Variants in SLC24A2 observed in about 807,000 individuals in gnomAD.
SLC24A2 encodes the protein solute carrier family 24 member 2.
A neutral mutation model predicts 62.0 loss-of-function variants in SLC24A2; 36 were observed. That is an observed-to-expected ratio of 0.58 (90% CI 0.44 to 0.77). The LOEUF is 0.77. Ranked by LOEUF, SLC24A2 falls within the 30% of genes least tolerant of loss-of-function variation. The probability of loss-of-function intolerance (pLI) is 0.00; values close to 1 mark genes in which losing one functional copy is unlikely to be tolerated. For missense variants in SLC24A2, 846 were observed against 817.9 expected (o/e 1.03, Z -0.42); for synonymous variants, 358 against 294.0 (o/e 1.22, Z -2.23).
At chr9:19,867,693 A>T in the SLC24A2 span, among the ~76,000 whole-genome samples, 1 of 152,150 alleles carries the variant, frequency 6.6e-6, no homozygotes, top group Non-Finnish European at 1.5e-5. Flanking sequence ...GCAGATAACG[A>T]GGTCAAAAGA....
At chr9:20,021,132 A>G in the SLC24A2 span, among the ~76,000 whole-genome samples, 2 of 152,218 alleles carry the variant, frequency 1.3e-5, no homozygotes, top group Non-Finnish European at 2.9e-5. Flanking sequence ...AAAAATTAAC[A>G]TCTTCACATT....
the SLC24A2 span, among the ~76,000 whole-genome samples, chr9:19,952,464 T>C: frequency 6.6e-6 from 1 of 152,030 alleles, no homozygotes; most frequent in South Asian, 2.1e-4. Flanking sequence ...TGGTTTTATC[T>C]TGAAAGTGCC....
chr9:19,962,549 T>C, the SLC24A2 span, among the ~76,000 whole-genome samples: 1 of 152,322 alleles, frequency 6.6e-6, no homozygotes, highest in East Asian at 1.9e-4. Flanking sequence ...TGAGCAGTGG[T>C]TTGTAGTTCT....
the SLC24A2 span, among the ~76,000 whole-genome samples, chr9:20,052,140 A>C: frequency 6.6e-6 from 1 of 152,192 alleles, no homozygotes; most frequent in Non-Finnish European, 1.5e-5. Flanking sequence ...AAATTTATAT[A>C]TTTAATTGCT....
At chr9:20,157,778 A>G in the SLC24A2 span, among the ~76,000 whole-genome samples, 5 of 151,590 alleles carry the variant, frequency 3.3e-5, no homozygotes, top group African/African-American at 1.2e-4. Flanking sequence ...GAAATTAGAG[A>G]AATAAAATAT....
the SLC24A2 span, among the ~76,000 whole-genome samples, chr9:20,174,701 T>A: frequency 6.6e-6 from 1 of 151,834 alleles, no homozygotes; most frequent in Non-Finnish European, 1.5e-5. Flanking sequence ...TAAAAAATAA[T>A]AGATGTTGGT....
At chr9:19,914,211 G>C in the SLC24A2 span, among the ~76,000 whole-genome samples, 1 of 151,948 alleles carries the variant, frequency 6.6e-6, no homozygotes, top group Admixed American at 6.6e-5. Flanking sequence ...TGCCACTTGA[G>C]TGTTTCAACC....
chr9:19,654,597 T>C (rs1211648498), intron 2 of SLC24A2, among the ~76,000 whole-genome samples: 1 of 152,216 alleles, frequency 6.6e-6, no homozygotes, highest in Non-Finnish European at 1.5e-5. Context: ...TGGTATAACA[T>C]GTTGTTCTAA....
At chr9:19,797,185 T>G in the SLC24A2 span, among the ~76,000 whole-genome samples, 1 of 152,240 alleles carries the variant, frequency 6.6e-6, no homozygotes, top group Admixed American at 6.5e-5. Flanking sequence ...TGAGATAATG[T>G]AAGTTTCATG....
At chr9:20,202,610 T>C in the SLC24A2 span, among the ~76,000 whole-genome samples, 1 of 151,890 alleles carries the variant, frequency 6.6e-6, no homozygotes, top group African/African-American at 2.4e-5. Context: ...ACTGTAAAAG[T>C]TGGCTTTGAT....
At chr9:20,111,192 T>C in the SLC24A2 span, among the ~76,000 whole-genome samples, 1 of 152,082 alleles carries the variant, frequency 6.6e-6, no homozygotes, top group Non-Finnish European at 1.5e-5. Context: ...ATTTGGCAAA[T>C]GGGAGGCACC....
chr9:20,272,092 T>C, the SLC24A2 span, among the ~76,000 whole-genome samples: 3 of 152,236 alleles, frequency 2.0e-5, no homozygotes, highest in Non-Finnish European at 4.4e-5. Context: ...TCCTAAATAA[T>C]TGTCCTGCCT....
At chr9:20,036,345 T>C in the SLC24A2 span, among the ~76,000 whole-genome samples, 2 of 152,200 alleles carry the variant, frequency 1.3e-5, no homozygotes, top group African/African-American at 4.8e-5. Context: ...ACATTTGAGA[T>C]TTATTCTCTT....
intron 9 of SLC24A2, among the ~76,000 whole-genome samples, chr9:19,527,395 A>T (rs778483252): frequency 6.6e-6 from 1 of 152,200 alleles, no homozygotes; most frequent in Non-Finnish European, 1.5e-5. Context: ...GAACCTATGT[A>T]TAGGGTTACT....
chr9:20,244,837 A>G, the SLC24A2 span, among the ~76,000 whole-genome samples: 2 of 152,144 alleles, frequency 1.3e-5, no homozygotes, highest in African/African-American at 4.8e-5. Context: ...CTTTCATCCA[A>G]TGCAGTATGT....
the SLC24A2 span, among the ~76,000 whole-genome samples, chr9:20,135,473 T>C: frequency 6.6e-6 from 1 of 152,094 alleles, no homozygotes; most frequent in East Asian, 1.9e-4. Context: ...ACTTAGCTTA[T>C]CGTGGGGTAA....
chr9:20,121,830 G>A, the SLC24A2 span, among the ~76,000 whole-genome samples: 1 of 152,102 alleles, frequency 6.6e-6, no homozygotes, highest in Non-Finnish European at 1.5e-5. Context: ...TGGAGATGGT[G>A]CTGTTATTTT....
upstream of SLC24A2, among the ~76,000 whole-genome samples, chr9:19,792,560 A>T (rs1001735471): frequency 2.3e-5 from 3 of 130,352 alleles, no homozygotes; most frequent in Admixed American, 7.6e-5. Context: ...AAAAAAAAAA[A>T]TGCTGGGTGT....
At chr9:19,698,060 T>G (rs1820244035) in intron 2 of SLC24A2, among the ~76,000 whole-genome samples, 1 of 152,174 alleles carries the variant, frequency 6.6e-6, no homozygotes, top group Admixed American at 6.5e-5. Context: ...GAAATTTATC[T>G]TATTTAAATG....
Sources: allele counts gnomAD v4.1 joint callset (sites outside exome capture counted in the v4.1 genomes callset), GRCh38; gene constraint gnomAD v4.1.1; transcripts MANE v1.5; gene names NCBI Gene and HGNC (gene_info 2026-07-23, HGNC 2026-07-21).